The following CDHR3 variants were observed in gnomAD, a reference collection of about 807,000 sequenced individuals.
CDHR3 encodes the protein cadherin-related family member 3.
A neutral mutation model predicts 86.6 loss-of-function variants in CDHR3; 79 were observed. The ratio of observed to expected loss-of-function variants is 0.91; its 90% CI spans 0.76 to 1.10. The LOEUF (loss-of-function observed/expected upper bound fraction) is 1.10. Among genes scored for constraint, CDHR3 ranks in the 50% least tolerant of loss-of-function variants. CDHR3 has a pLI of 0.00. For synonymous variants in CDHR3, 421 were observed against 402.4 expected (o/e 1.05, Z -0.55); for missense variants, 1,081 against 1,077.6 (o/e 1.00, Z -0.04).
chr7:105,983,578 A>G (rs1005055811), intron 3 of CDHR3, among the ~76,000 whole-genome samples: 5 of 152,068 alleles, frequency 3.3e-5, no homozygotes, highest in African/African-American at 1.2e-4. Context: ...CCCGAGTGAG[A>G]GCTCTGTGGC....
chr7:105,969,205 G>C, intron 1 of CDHR3, among the ~76,000 whole-genome samples: 1 of 150,336 alleles, frequency 6.7e-6, no homozygotes. Context: ...GACCATCCTG[G>C]CTAACACGGT....
Position 106,015,171 on chromosome 7 carries a change from G to A in CDHR3, c.1285G>A (p.Val429Met), listed in dbSNP as rs1374234941. The change falls in exon 10 of 19, where the codon GTG becomes ATG. Residue 429 changes from valine to methionine, a missense_variant. By Grantham distance (21) the Val-to-Met change is conservative. Coordinates refer to ENST00000317716, the MANE Select transcript of CDHR3 (RefSeq NM_152750.5). ...SNLAAGNKYTVIIQVQDVAPP... is the reference protein window; with the variant it reads ...SNLAAGNKYTMIIQVQDVAPP... ...CCTAGCAGCCGGCAATAAATATACG[G>A]TGATAATCCAGGTGCAGGATGTGGC... The A allele has an allele frequency of 6.2e-7, 1 of 1,611,654 alleles. No homozygotes were observed. Among genetic ancestry groups the A allele is most frequent in the East Asian group, 2.2e-5 (1 of 44,834 alleles).
chr7:106,007,222 T>G (rs1422070072), intron 8 of CDHR3, among the ~76,000 whole-genome samples: 1 of 152,210 alleles, frequency 6.6e-6, no homozygotes, highest in Non-Finnish European at 1.5e-5. Flanking sequence ...CCTAAACCTC[T>G]GGGCCTGTGA....
chr7:106,014,632 T>TA (rs1473853191), intron 9 of CDHR3, among the ~76,000 whole-genome samples: 11 of 152,072 alleles, frequency 7.2e-5, no homozygotes, highest in Non-Finnish European at 1.3e-4. Flanking sequence ...CCCCTATCTC[T>TA]AAAAAACAAT....
chr7:106,005,881 TCTCCAC>T, intron 8 of CDHR3, among the ~76,000 whole-genome samples: 1 of 152,184 alleles, frequency 6.6e-6, no homozygotes, highest in South Asian at 2.1e-4. Flanking sequence ...TTAGATCCAG[TCTCCAC>T]CCTGCTCTGT....
chr7:106,034,881 C>T lies in CDHR3; in HGVS notation c.*2184C>T, dbSNP rs1271144154. ...TCACCTGAGGTCAGGAGTTTGAGAC[C>T]AGCCTGGCCAACATGGTGAAACCCT... On this transcript the variant is annotated 3_prime_UTR_variant, in exon 19 of 19. Transcript: ENST00000317716. Among the ~76,000 whole-genome samples the T allele has an allele frequency of 6.6e-6, 1 of 152,112 alleles. No individual in the cohort carries two copies. The highest frequency in any genetic ancestry group is 1.5e-5 in the Non-Finnish European group (1 of 68,036).
At chr7:106,024,665 G>A in intron 15 of CDHR3, 103 bp downstream of exon 15, 2 of 1,263,136 alleles carry the variant, frequency 1.6e-6, no homozygotes, top group South Asian at 1.5e-5. Context: ...TTCTCTACAA[G>A]GCAGGTTGCC....
At chr7:106,007,383 A>G (rs544182399) in intron 8 of CDHR3, among the ~76,000 whole-genome samples, 3 of 152,274 alleles carry the variant, frequency 2.0e-5, no homozygotes, top group East Asian at 1.9e-4. Context: ...TTTCTATCGC[A>G]TTGTCAGGCT....
chr7:106,024,703 G>A (rs1348931617), intron 15 of CDHR3, 141 bp downstream of exon 15: 4 of 827,634 alleles, frequency 4.8e-6, no homozygotes, highest in South Asian at 1.8e-5. Context: ...AAGGAGATAC[G>A]GGGGAAGGAA....
rs768304129 is a variant in CDHR3 at position 105,975,046 on chromosome 7, GGTAA to G, written c.249+5_249+8del. On this transcript the variant is annotated splice_donor_variant and splice_donor_region_variant and intron_variant, in intron 2 of 18. Transcript: ENST00000317716. LOFTEE classifies it high-confidence loss of function. ...ATTGGCTGTCAGGCACCTACTTTGA[GGTAA>G]GTAACAACTTACCAACATGAGTGTT... is the stretch of plus-strand genomic sequence containing the variant. The G allele has an allele frequency of 2.5e-6, 4 of 1,612,230 alleles. No individual in the cohort carries two copies. Among genetic ancestry groups the G allele is most frequent in the Non-Finnish European group, 3.4e-6 (4 of 1,178,344 alleles).
intron 2 of CDHR3, among the ~76,000 whole-genome samples, chr7:105,975,709 C>A (rs954224984): frequency 1.3e-5 from 2 of 152,198 alleles, no homozygotes; most frequent in Admixed American, 1.3e-4. Context: ...ACCGCAGAGG[C>A]CTTCTAAGGT....
intron 18 of CDHR3, among the ~76,000 whole-genome samples, chr7:106,031,789 TGA>T (rs1838409931): frequency 6.7e-6 from 1 of 148,262 alleles, no homozygotes; most frequent in Non-Finnish European, 1.5e-5. Flanking sequence ...TTTGTGTAGT[TGA>T]GAGAAAAAAA....
At chr7:105,987,420 A>C (rs1439954527) in intron 4 of CDHR3, among the ~76,000 whole-genome samples, 1 of 152,260 alleles carries the variant, frequency 6.6e-6, no homozygotes, top group Non-Finnish European at 1.5e-5. Context: ...TTCTCAGATT[A>C]GGAAAAGGTA....
chr7:106,025,269 T>C (rs1837189216), intron 15 of CDHR3, among the ~76,000 whole-genome samples: 1 of 152,226 alleles, frequency 6.6e-6, no homozygotes, highest in Non-Finnish European at 1.5e-5. Flanking sequence ...ACAGCTTAGA[T>C]GGTTCTGAGC....
chr7:106,031,743 A>T (rs546912441), intron 18 of CDHR3, among the ~76,000 whole-genome samples: 18 of 152,198 alleles, frequency 1.2e-4, no homozygotes, highest in African/African-American at 4.1e-4. Flanking sequence ...CCAGAGCAAA[A>T]GGCTCTTCCA....
At chr7:105,987,890 A>G (rs1306715546) in intron 4 of CDHR3, among the ~76,000 whole-genome samples, 1 of 152,110 alleles carries the variant, frequency 6.6e-6, no homozygotes, top group East Asian at 1.9e-4. Flanking sequence ...GGCTGGGAAC[A>G]CTGGTTTGTT....
chr7:106,021,811 C>G (rs531703451), intron 13 of CDHR3, among the ~76,000 whole-genome samples: 2 of 152,224 alleles, frequency 1.3e-5, no homozygotes, highest in Middle Eastern at 3.2e-3. Context: ...GAAACCCACT[C>G]ATTTGTTTGA....
intron 9 of CDHR3, among the ~76,000 whole-genome samples, 194 bp downstream of exon 9, chr7:106,013,225 C>T (rs546765399): frequency 6.6e-6 from 1 of 152,346 alleles, no homozygotes; most frequent in East Asian, 1.9e-4. Context: ...TCATTTGTTA[C>T]ACATAGTTGT....
Position 105,996,319 on chromosome 7 carries a change from C to G in CDHR3, c.678C>G (p.Ile226Met). The stretch of plus-strand genomic sequence containing the variant: ...CCTCCACAGAGCTCCAGGTGAACAT[C>G]GTGAACCTCAACGACGAAGTCCCTC... ...LKASTELQVN[I>M]VNLNDEVPRF... The change falls in exon 6 of 19, where the codon ATC becomes ATG. Residue 226 changes from isoleucine (I) to methionine (M), a missense_variant. Transcript: ENST00000317716. 1 of 1,597,852 alleles carries G rather than the reference C, an allele frequency of 6.3e-7. No individual in the cohort carries two copies. The highest frequency in any genetic ancestry group is 8.6e-7 in the Non-Finnish European group (1 of 1,167,128).
Sources: allele counts gnomAD v4.1 joint callset (sites outside exome capture counted in the v4.1 genomes callset), GRCh38; gene constraint gnomAD v4.1.1; transcripts MANE v1.5; gene names NCBI Gene and HGNC (gene_info 2026-07-23, HGNC 2026-07-21).